ASH1L: variants seen among roughly 807,000 people sequenced by gnomAD.
The protein encoded by ASH1L is histone-lysine N-methyltransferase ASH1L.
In ASH1L, 23 loss-of-function variants were observed where a neutral mutation model predicts 269.0. The ratio of observed to expected loss-of-function variants is 0.09; its 90% CI spans 0.06 to 0.12. The LOEUF is 0.12. ASH1L is among the 10% of genes least tolerant of loss of function. The pLI is 1.00. For synonymous variants in ASH1L, 1,187 were observed against 1,253.5 expected, an observed-to-expected ratio of 0.95 and a Z score of 1.12; for missense variants, 2,912 against 3,567.8, an observed-to-expected ratio of 0.82 and a Z score of 4.68.
At chr1:155,381,702 C>T (rs1488849044) in intron 7 of ASH1L, among the ~76,000 whole-genome samples, 1 of 150,482 alleles carries the variant, frequency 6.6e-6, no homozygotes, top group Non-Finnish European at 1.5e-5. Context: ...TGGTGAAACC[C>T]CAACTCTACT....
At chr1:155,400,835 G>A (rs1181184897) in intron 6 of ASH1L, among the ~76,000 whole-genome samples, 1 of 152,100 alleles carries the variant, frequency 6.6e-6, no homozygotes, top group Non-Finnish European at 1.5e-5. Context: ...TATTTACAGG[G>A]AGAGACGGTC....
At chr1:155,410,612 T>A (rs1475964784) in intron 6 of ASH1L, among the ~76,000 whole-genome samples, 3 of 152,138 alleles carry the variant, frequency 2.0e-5, no homozygotes, top group Non-Finnish European at 4.4e-5. Flanking sequence ...AGTGCTGGGA[T>A]TACAGGCGTG....
In ASH1L at chr1:155,413,053, A is replaced by G. The variant is rs530656622; in HGVS notation, c.6008+2691T>C. Among the ~76,000 whole-genome samples the G allele has an allele frequency of 3.4e-4, 52 of 152,318 alleles. No homozygotes were observed. In the Middle Eastern group the frequency reaches 0.01, roughly 30 times the overall value. On this transcript the variant is annotated intron_variant, in intron 6 of 27. Coordinates refer to ENST00000392403, the MANE Select transcript of ASH1L (RefSeq NM_018489.3). ...AAGAAATAAAACTTGAATTTTATTTAGCAGAAAAGTTGATAATTATATTTC... is the reference window on the plus strand; with the variant it reads ...AAGAAATAAAACTTGAATTTTATTTGGCAGAAAAGTTGATAATTATATTTC...
intron 2 of ASH1L, among the ~76,000 whole-genome samples, chr1:155,486,428 TAAA>T (rs892364340): frequency 7.5e-6 from 1 of 133,108 alleles, no homozygotes; most frequent in East Asian, 2.1e-4. Context: ...GTACCAAAAA[TAAA>T]AAAAAAAAAA....
chr1:155,435,026 C>T (rs1210059365), intron 5 of ASH1L, among the ~76,000 whole-genome samples: 5 of 151,548 alleles, frequency 3.3e-5, no homozygotes, highest in Admixed American at 6.6e-5. Flanking sequence ...GGCATGGTGG[C>T]GCATGCTTGT....
intron 7 of ASH1L, among the ~76,000 whole-genome samples, chr1:155,386,549 C>G (rs887653934): frequency 1.2e-5 from 1 of 86,696 alleles, no homozygotes; most frequent in Non-Finnish European, 2.7e-5. Context: ...CCATGCCCAG[C>G]TAATTTTTTC....
rs1665972720 is a variant in ASH1L, at chr1:155,481,634, A to G, written c.1236T>C (p.Pro412=). Residue 412 remains proline (P), a synonymous_variant, in exon 3 of 28, where the codon CCT becomes CCC. Coordinates refer to ENST00000392403, the MANE Select transcript of ASH1L (RefSeq NM_018489.3). ...KDIGKKLMSC[P]LAGLISKDAI... ...CATCTTTACTGATCAGACCTGCCAAAGGACAACTCATTAGTTTCTTTCCAA... is the reference window on the plus strand; with the variant it reads ...CATCTTTACTGATCAGACCTGCCAAGGGACAACTCATTAGTTTCTTTCCAA... The G allele has an allele frequency of 1.2e-6, 2 of 1,614,022 alleles. No individual in the cohort carries two copies. The highest frequency in any genetic ancestry group is 2.2e-5 in the East Asian group (1 of 44,894).
At chr1:155,406,203 C>CAAAAAAA (rs964056210) in intron 6 of ASH1L, among the ~76,000 whole-genome samples, 1 of 52,104 alleles carries the variant, frequency 1.9e-5, no homozygotes, top group African/African-American at 6.7e-5. Flanking sequence ...GACTCTGTCT[C>CAAAAAAA]AAAAAAAAAA....
intron 1 of ASH1L, among the ~76,000 whole-genome samples, chr1:155,551,879 A>G (rs1267761318): frequency 1.4e-5 from 2 of 146,236 alleles, no homozygotes; most frequent in South Asian, 2.2e-4. Context: ...GGGAGGCTGA[A>G]GCAGGAGAAT....
At position 155,543,108 on chromosome 1, in the gene ASH1L, G is replaced by C. The variant is rs112628609; in HGVS notation, c.-100+19045C>G. Among the ~76,000 whole-genome samples the C allele has an allele frequency of 1.2e-3, 177 of 152,056 alleles. 1 individual carries two copies. Among genetic ancestry groups the C allele is most frequent in the Non-Finnish European group, 3.8e-4 (26 of 67,980 alleles). On this transcript the variant is annotated intron_variant, in intron 1 of 27. Coordinates refer to ENST00000392403, the MANE Select transcript of ASH1L (RefSeq NM_018489.3). ...CTCAGTAAAGCCACCTAAAAATCCT[G>C]GAAGATCAAAATTAAGTATCTTGTA...
At chr1:155,368,611 C>A (rs1317273378) in intron 12 of ASH1L, among the ~76,000 whole-genome samples, 2 of 152,030 alleles carry the variant, frequency 1.3e-5, no homozygotes, top group Non-Finnish European at 2.9e-5. Flanking sequence ...CGCCTACCAC[C>A]ACGCCCGGCT....
At chr1:155,395,326 A>T in intron 7 of ASH1L, 133 bp downstream of exon 7, 1 of 647,442 alleles carries the variant, frequency 1.5e-6, no homozygotes, top group Non-Finnish European at 2.5e-6. Flanking sequence ...GAGTAAGTTT[A>T]AGTAAAATGG....
intron 7 of ASH1L, among the ~76,000 whole-genome samples, chr1:155,388,897 G>C (rs1347501063): frequency 6.6e-6 from 1 of 150,634 alleles, no homozygotes; most frequent in African/African-American, 2.4e-5. Flanking sequence ...TTTATAGAGA[G>C]AGGTTCTCAC....
In ASH1L at chr1:155,479,504, A is replaced by T; in HGVS notation, c.3366T>A (p.Ser1122Arg). The change falls in exon 3 of 28, where the codon AGT becomes AGA. Residue 1122 changes from serine (S) to arginine (R), a missense_variant. Around this residue, in one of 13 missense-constraint regions of ASH1L, gnomAD observed 157 missense variants for 154.6 expected, o/e 1.02. Coordinates refer to ENST00000392403, the MANE Select transcript of ASH1L (RefSeq NM_018489.3). ...TGGGTTCAACAAAACCTGCATCACT[A>T]CTTACAGGGCTCTGACCTCCACTAG... ...SGTSGGQSPV[S>R]SDAGFVEPSS... is the part of the protein sequence containing the mutation. 1 of 1,614,178 alleles carries T rather than the reference A, an allele frequency of 6.2e-7. No homozygotes were observed. Among genetic ancestry groups the T allele is most frequent in the Non-Finnish European group, 8.5e-7 (1 of 1,180,020 alleles).
chr1:155,402,476 T>C (rs759587811), intron 6 of ASH1L, among the ~76,000 whole-genome samples: 1 of 152,228 alleles, frequency 6.6e-6, no homozygotes, highest in Admixed American at 6.5e-5. Context: ...AATGGACATG[T>C]TATTCTAGAG....
At chr1:155,446,671 G>A (rs1198946584) in intron 4 of ASH1L, among the ~76,000 whole-genome samples, 4 of 148,868 alleles carry the variant, frequency 2.7e-5, no homozygotes, top group Non-Finnish European at 4.4e-5. Flanking sequence ...GCCTAGGCTG[G>A]ACTGCAGTGG....
intron 21 of ASH1L, among the ~76,000 whole-genome samples, chr1:155,345,400 G>C (rs1212080224): frequency 6.6e-6 from 1 of 150,786 alleles, no homozygotes; most frequent in Non-Finnish European, 1.5e-5. Flanking sequence ...GGCCAGGCTG[G>C]TCTTGAACTC....
At chr1:155,423,346 C>T (rs1384981113) in intron 5 of ASH1L, among the ~76,000 whole-genome samples, 2 of 151,718 alleles carry the variant, frequency 1.3e-5, no homozygotes, top group Admixed American at 1.3e-4. Flanking sequence ...GTTGGGAGGC[C>T]GAGGCAGGCA....
intron 12 of ASH1L, among the ~76,000 whole-genome samples, chr1:155,364,683 C>G (rs553616255): frequency 1.1e-3 from 173 of 152,020 alleles, no homozygotes; most frequent in African/African-American, 3.9e-3. Flanking sequence ...CTCACACTTG[C>G]AATCCCAACA....
Sources: allele counts gnomAD v4.1 joint callset (sites outside exome capture counted in the v4.1 genomes callset), GRCh38; gene constraint gnomAD v4.1.1; regional missense constraint gnomAD v4.1.1; transcripts MANE v1.5; gene names NCBI Gene and HGNC (gene_info 2026-07-23, HGNC 2026-07-21).